The following PARP12 variants were observed in gnomAD, a reference collection of about 807,000 sequenced individuals.
PARP12 encodes the protein poly(ADP-ribose) polymerase family member 12, also known as protein mono-ADP-ribosyltransferase PARP12.
Under a neutral mutation model 72.4 loss-of-function variants are expected in PARP12, and 59 were observed. The observed-to-expected ratio is 0.81, with a 90% confidence interval of 0.66 to 1.01. The LOEUF is 1.01. Among genes scored for constraint, PARP12 ranks in the 50% least tolerant of loss-of-function variants. The pLI is 0.00. For missense variants in PARP12, 851 were observed against 914.0 expected, an observed-to-expected ratio of 0.93 and a Z score of 0.89; for synonymous variants, 403 against 371.4, an observed-to-expected ratio of 1.09 and a Z score of -0.98.
intron 3 of PARP12, among the ~76,000 whole-genome samples, chr7:140,056,012 C>A (rs1817163546): frequency 6.6e-6 from 1 of 152,204 alleles, no homozygotes; most frequent in Non-Finnish European, 1.5e-5. Context: ...GAATAACCAG[C>A]ACCCAAGACA....
rs139410444 is a variant in PARP12 at position 140,024,803 on chromosome 7, C to T, written c.1863G>A (p.Arg621=). The change falls in exon 12 of 12, where the codon CGG becomes CGA. Residue 621 remains arginine (R), a synonymous_variant. Transcript: ENST00000263549. ...CCCTGACGAACTCGCCCACCAGCAC[C>T]CGGGCCAGGAACATCGTGTGGGTCT... ...DTQTHTMFLA[R]VLVGEFVRGN... The T allele has an allele frequency of 1.2e-6, 2 of 1,614,148 alleles. No homozygotes were observed. The highest frequency in any genetic ancestry group is 2.2e-5 in the South Asian group (2 of 91,086).
intron 10 of PARP12, 69 bp from the exon 11 acceptor site, chr7:140,026,417 A>G: frequency 2.6e-6 from 4 of 1,542,936 alleles, no homozygotes; most frequent in Non-Finnish European, 3.5e-6. Flanking sequence ...GGCCTGATGC[A>G]AAACAACACA....
intron 10 of PARP12, 82 bp from the exon 11 acceptor site, chr7:140,026,430 T>C: frequency 6.5e-7 from 1 of 1,533,216 alleles, no homozygotes; most frequent in Non-Finnish European, 8.7e-7. Context: ...ACAACACATT[T>C]TTCCAAAATT....
rs151161595 is a variant in PARP12 at position 140,036,038 on chromosome 7, A to G, written c.1324+1677T>C. ...GGAGGAGAAGGAGGAGAAGGAGGAG[A>G]AGGAGGAGAAGGAGGAGAAGGAGGA... On this transcript the variant is annotated intron_variant, in intron 7 of 11. Coordinates refer to ENST00000263549, the MANE Select transcript of PARP12 (RefSeq NM_022750.4). 2.3e-3 allele frequency among the ~76,000 whole-genome samples: 96 copies of G among 41,010 alleles called. 7 individuals carry two copies. Among genetic ancestry groups the G allele is most frequent in the African/African-American group, 0.012 (37 of 3,120 alleles). The allele number at this position is 41,010 out of a possible 152,430, so 26.9% of individuals were successfully genotyped here.
intron 8 of PARP12, among the ~76,000 whole-genome samples, chr7:140,029,527 A>G (rs12703510): frequency 0.053 from 8,002 of 152,300 alleles, 256 homozygotes; most frequent in South Asian, 0.12. Context: ...GGCACAGTTC[A>G]AAAATAACTA....
intron 1 of PARP12, 124 bp downstream of exon 1, chr7:140,062,398 G>A: frequency 1.0e-5 from 10 of 954,712 alleles, no homozygotes; most frequent in South Asian, 1.7e-5. Flanking sequence ...GAATGACGGT[G>A]CGAGGTCAGG....
chr7:140,037,990 G>A (rs1816287714), intron 6 of PARP12, 134 bp from the exon 7 acceptor site: 1 of 1,447,962 alleles, frequency 6.9e-7, no homozygotes. Flanking sequence ...AGGCCAGGGA[G>A]CATGGTATGG....
rs374128387 is a variant in PARP12, at chr7:140,028,649, A to G, written c.1461T>C (p.Tyr487=). The change falls in exon 9 of 12, where the codon TAT becomes TAC. Residue 487 remains tyrosine, a synonymous_variant. Transcript: ENST00000263549. ...KFPGPKSIPD[Y]WDSSALPDPG... is the part of the protein sequence containing the mutation. ...GGTCTGGCAGGGCAGAGGAGTCCCA[A>G]TAGTCTGGGATGCTCTTCGGGCCTG... The G allele has an allele frequency of 2.8e-5, 45 of 1,604,800 alleles. 1 individual carries two copies. In the African/African-American group the frequency reaches 3.9e-4, roughly 14 times the overall value.
intron 5 of PARP12, among the ~76,000 whole-genome samples, chr7:140,043,339 G>A (rs1027650562): frequency 4.6e-5 from 7 of 152,100 alleles, no homozygotes; most frequent in African/African-American, 1.4e-4. Context: ...AGTATTCTCA[G>A]ATGCAGATAT....
At chr7:140,038,313 T>C in intron 6 of PARP12, 1 of 984,434 alleles carries the variant, frequency 1.0e-6, no homozygotes, top group Non-Finnish European at 1.2e-6. Context: ...TTCTGGTCCC[T>C]AGGAGCATTC....
chr7:140,041,478 T>G (rs1166536269), intron 6 of PARP12, 166 bp downstream of exon 6: 18 of 595,088 alleles, frequency 3.0e-5, no homozygotes, highest in Non-Finnish European at 4.6e-5. Context: ...AAATTCCAAC[T>G]TATCTAGTTT....
chr7:140,057,101 T>C lies in PARP12; in HGVS notation c.515A>G (p.Gln172Arg), dbSNP rs766221694. ...GATATGGAGCTTGATGCACTGCTTTTGAAAGGCACAAGAGCCGTGGGGTCC... is the reference window on the plus strand; with the variant it reads ...GATATGGAGCTTGATGCACTGCTTTCGAAAGGCACAAGAGCCGTGGGGTCC... Reference protein sequence around the residue: ...GDGPHGSCAFQKQCIKLHICQ... With the variant: ...GDGPHGSCAFRKQCIKLHICQ... The change falls in exon 3 of 12, where the codon CAA becomes CGA. Residue 172 changes from glutamine to arginine, a missense_variant. Coordinates refer to ENST00000263549, the MANE Select transcript of PARP12 (RefSeq NM_022750.4). 6.2e-7 allele frequency: 1 copy of C among 1,614,186 alleles called. No individual in the cohort carries two copies. The highest frequency in any genetic ancestry group is 8.5e-7 in the Non-Finnish European group (1 of 1,180,034).
At chr7:140,032,125 T>C (rs1815961318) in intron 8 of PARP12, among the ~76,000 whole-genome samples, 1 of 152,110 alleles carries the variant, frequency 6.6e-6, no homozygotes, top group Non-Finnish European at 1.5e-5. Flanking sequence ...ACTTACATGT[T>C]AGAAATAATA....
chr7:140,046,403 T>C (rs907273194), intron 5 of PARP12, among the ~76,000 whole-genome samples: 4 of 152,132 alleles, frequency 2.6e-5, no homozygotes, highest in East Asian at 1.9e-4. Flanking sequence ...TACTAGGACA[T>C]GCTTGGGGAA....
intron 1 of PARP12, among the ~76,000 whole-genome samples, chr7:140,061,942 G>T (rs1360867662): frequency 2.2e-5 from 3 of 135,954 alleles, no homozygotes; most frequent in African/African-American, 8.1e-5. Context: ...ATTCCAGGCA[G>T]AGCAAAGACT....
At position 140,024,425 on chromosome 7, in the gene PARP12, T is replaced by A; in HGVS notation, c.*135A>T. ...GTAAAAATCATTATTAGCAAGAGAT[T>A]AAGAACATAACTTCATTGAGAGGTC... On this transcript the variant is annotated 3_prime_UTR_variant, in exon 12 of 12. Coordinates refer to ENST00000263549, the MANE Select transcript of PARP12 (RefSeq NM_022750.4). 2 of 1,002,210 alleles carry A rather than the reference T, an allele frequency of 2.0e-6. No individual in the cohort carries two copies. Among genetic ancestry groups the A allele is most frequent in the Non-Finnish European group, 3.0e-6 (2 of 656,590 alleles). The allele number at this position is 1,002,210 out of a possible 1,614,324, so 62.1% of individuals were successfully genotyped here.
intron 5 of PARP12, among the ~76,000 whole-genome samples, chr7:140,043,441 A>G (rs1438568610): frequency 2.0e-5 from 3 of 152,206 alleles, no homozygotes; most frequent in African/African-American, 4.8e-5. Flanking sequence ...TTTAAGGAAA[A>G]AAACAGAACT....
At position 140,056,943 on chromosome 7, in the gene PARP12, T is replaced by G. The variant is rs778306089; in HGVS notation, c.673A>C (p.Thr225Pro). 9.9e-6 allele frequency: 16 copies of G among 1,613,996 alleles called. No homozygotes were observed. Among genetic ancestry groups the G allele is most frequent in the African/African-American group, 5.3e-5 (4 of 74,926 alleles). The change falls in exon 3 of 12, where the codon ACC becomes CCC. Residue 225 changes from threonine to proline, a missense_variant. By Grantham distance (38) the Thr-to-Pro change is conservative. This residue lies in a region of PARP12 where 492 missense variants were observed against 489.3 expected (regional missense o/e 1.01). Transcript: ENST00000263549. ...ATGTCATGTGCATTTCTATAAATGG[T>G]AGGCAGCCTGCTCACCAGGTCTGAG... ...MSSDLVSRLPTIYRNAHDIKN... is the reference protein window; with the variant it reads ...MSSDLVSRLPPIYRNAHDIKN...
intron 5 of PARP12, 142 bp downstream of exon 5, chr7:140,046,742 G>A: frequency 1.2e-6 from 1 of 846,514 alleles, no homozygotes; most frequent in Non-Finnish European, 1.8e-6. Flanking sequence ...GTGTGTGTGT[G>A]TGTGTGTGTG....
Sources: gnomAD v4.1 joint callset for allele counts (sites outside exome capture counted in the v4.1 genomes callset) on GRCh38, gnomAD v4.1.1 for gene constraint, gnomAD v4.1.1 regional missense constraint, MANE v1.5 for transcripts, NCBI Gene and HGNC (gene_info 2026-07-23, HGNC 2026-07-21) for gene names.